Variants in PHYHD1 observed in about 807,000 individuals in gnomAD.
PHYHD1 encodes phytanoyl-CoA dioxygenase domain-containing protein 1.
In PHYHD1, 42 loss-of-function variants were observed where a neutral mutation model predicts 43.6. The observed-to-expected ratio is 0.96, with a 90% CI of 0.75 to 1.25. The LOEUF (loss-of-function observed/expected upper bound fraction) is 1.25. Ranked by LOEUF, PHYHD1 falls within the 50% of genes most tolerant of loss-of-function variation. The pLI, the probability that PHYHD1 is intolerant of heterozygous loss-of-function variation, is 0.00. For synonymous variants in PHYHD1, 139 were observed against 143.6 expected, an observed-to-expected ratio of 0.97 and a Z score of 0.23; for missense variants, 342 against 370.8, an observed-to-expected ratio of 0.92 and a Z score of 0.64.
intron 4 of PHYHD1, 89 bp from the exon 5 acceptor site, chr9:128,933,693 G>A: frequency 7.3e-7 from 1 of 1,375,042 alleles, no homozygotes; most frequent in Non-Finnish European, 1.0e-6. Flanking sequence ...CTGTGAGGGT[G>A]GGAAGCTTCT....
At chr9:128,938,717 C>G (rs1239150969) in intron 9 of PHYHD1, among the ~76,000 whole-genome samples, 2 of 131,992 alleles carry the variant, frequency 1.5e-5, no homozygotes, top group Non-Finnish European at 3.5e-5. Flanking sequence ...GCCACCGCGC[C>G]CGGCCCTGGA....
intron 11 of PHYHD1, among the ~76,000 whole-genome samples, 195 bp downstream of exon 11, chr9:128,940,910 T>A (rs1258383261): frequency 2.0e-5 from 3 of 152,180 alleles, no homozygotes; most frequent in African/African-American, 7.2e-5. Context: ...CAGATCACCC[T>A]GGAATCCACA....
Position 128,941,828 on chromosome 9 carries a change from G to T in PHYHD1, c.*115G>T. ...AGGGAGGTCTTGTCTCCCCTCCTGG[G>T]CTTTCCTCCTGCCCTGTGGGCAGCA... On this transcript the variant is annotated 3_prime_UTR_variant, in exon 13 of 13. Coordinates refer to ENST00000372592, the MANE Select transcript of PHYHD1 (RefSeq NM_001100876.2). 1 of 1,439,284 alleles carries T rather than the reference G, an allele frequency of 6.9e-7. No individual in the cohort carries two copies. The allele number at this position is 1,439,284 out of a possible 1,614,324, so 89.2% of individuals were successfully genotyped here.
chr9:128,932,340 C>G (rs1841312317), intron 4 of PHYHD1, among the ~76,000 whole-genome samples: 1 of 151,280 alleles, frequency 6.6e-6, no homozygotes, highest in African/African-American at 2.4e-5. Flanking sequence ...CACCACCACA[C>G]TCGGCTAATT....
At chr9:128,926,737 C>G in intron 3 of PHYHD1, 1 of 399,640 alleles carries the variant, frequency 2.5e-6, no homozygotes, top group South Asian at 1.9e-5. Flanking sequence ...CATGCCCTGG[C>G]TGGTTTGAGA....
intron 4 of PHYHD1, 119 bp from the exon 5 acceptor site, chr9:128,933,663 C>T (rs1012411544): frequency 1.8e-6 from 2 of 1,081,170 alleles, no homozygotes; most frequent in South Asian, 1.3e-5. Context: ...GTCTGAGAAG[C>T]CCCCAGGGTG....
At chr9:128,925,752 C>T (rs1386339765) in intron 3 of PHYHD1, among the ~76,000 whole-genome samples, 2 of 152,122 alleles carry the variant, frequency 1.3e-5, no homozygotes, top group East Asian at 1.9e-4. Context: ...CCTCCTCTTC[C>T]ACCCCTCCCC....
chr9:128,930,279 C>CAA (rs771000299), intron 4 of PHYHD1, among the ~76,000 whole-genome samples: 7 of 92,246 alleles, frequency 7.6e-5, no homozygotes, highest in African/African-American at 2.4e-4. Flanking sequence ...AACCCTGTCT[C>CAA]AAAAAAAAAA....
intron 4 of PHYHD1, among the ~76,000 whole-genome samples, chr9:128,929,720 G>A (rs1393697610): frequency 6.6e-6 from 1 of 152,104 alleles, no homozygotes; most frequent in Non-Finnish European, 1.5e-5. Flanking sequence ...ACATACGTGT[G>A]TGTGTAATTC....
chr9:128,940,425 G>C lies in PHYHD1; in HGVS notation c.514G>C (p.Gly172Arg). 1 of 1,614,164 alleles carries C rather than the reference G, an allele frequency of 6.2e-7. No homozygotes were observed. The highest frequency in any genetic ancestry group is 8.5e-7 in the Non-Finnish European group (1 of 1,180,038). The change falls in exon 10 of 13, where the codon GGC (glycine) becomes CGC (arginine). Residue 172 changes from glycine to arginine, a missense_variant. Gly to Arg is a moderately radical substitution (Grantham distance 125, BLOSUM62 -2). Transcript: ENST00000372592. ...CACGGAGCCCCTGGGCCGGGTGCTG[G>C]GCGTGTGGATCGCAGTGGAGGATGC... ...LYTEPLGRVL[G>R]VWIAVEDATL...
chr9:128,933,866 C>A lies in PHYHD1; in HGVS notation c.268+9C>A, dbSNP rs1330563195. 2 of 1,613,316 alleles carry A rather than the reference C, an allele frequency of 1.2e-6. No individual in the cohort carries two copies. The highest frequency in any genetic ancestry group is 1.7e-6 in the Non-Finnish European group (2 of 1,179,302). Reference sequence around the variant, plus strand: ...CGTTTTTGATGAGAAAGGTTTGGAGCTGGGGCCCTAGAGCTGGGGAGGAGC... The same window carrying A: ...CGTTTTTGATGAGAAAGGTTTGGAGATGGGGCCCTAGAGCTGGGGAGGAGC... On this transcript the variant is annotated intron_variant, in intron 5 of 12. Coordinates refer to ENST00000372592, the MANE Select transcript of PHYHD1 (RefSeq NM_001100876.2).
At chr9:128,933,133 G>T (rs927736090) in intron 4 of PHYHD1, among the ~76,000 whole-genome samples, 2 of 147,402 alleles carry the variant, frequency 1.4e-5, no homozygotes, top group Non-Finnish European at 3.0e-5. Context: ...TTACAGGCAT[G>T]AGCCACTGCA....
intron 3 of PHYHD1, among the ~76,000 whole-genome samples, chr9:128,924,986 C>G (rs549212255): frequency 1.3e-5 from 2 of 152,286 alleles, no homozygotes; most frequent in African/African-American, 4.8e-5. Context: ...TGTGTATTTA[C>G]TGGATCAAGG....
chr9:128,938,071 C>A, intron 9 of PHYHD1: 2 of 868,570 alleles, frequency 2.3e-6, no homozygotes, highest in Middle Eastern at 4.1e-4. Flanking sequence ...ATTTGGAAGG[C>A]AGAGGCGAGC....
chr9:128,924,472 C>T (rs1471721703), intron 3 of PHYHD1, among the ~76,000 whole-genome samples: 1 of 151,652 alleles, frequency 6.6e-6, no homozygotes, highest in Non-Finnish European at 1.5e-5. Flanking sequence ...ATTAGCCAGG[C>T]GTGGTGGTGT....
intron 8 of PHYHD1, 23 bp from the exon 9 acceptor site, chr9:128,937,734 C>T (rs766267444): frequency 1.8e-5 from 29 of 1,613,798 alleles, no homozygotes; most frequent in Non-Finnish European, 2.5e-5. Context: ...CTGTCCTCAC[C>T]AGGCTTTTCC....
In PHYHD1 at chr9:128,924,287, G is replaced by A. The variant is rs189622584; in HGVS notation, c.33+1931G>A. ...AAAAAAATTAGCTGGGCATGGTGGC[G>A]GGCGCCTGTAGTCCAAGCTACTCGG... On this transcript the variant is annotated intron_variant, in intron 3 of 12. Coordinates refer to ENST00000372592, the MANE Select transcript of PHYHD1 (RefSeq NM_001100876.2). Among the ~76,000 whole-genome samples, 115 of 152,202 alleles carry A rather than the reference G, an allele frequency of 7.6e-4. 3 individuals are homozygous for A. In the East Asian group the frequency reaches 0.02, roughly 27 times the overall value.
chr9:128,940,252 A>G, intron 9 of PHYHD1, 117 bp from the exon 10 acceptor site: 2 of 1,464,862 alleles, frequency 1.4e-6, no homozygotes, highest in South Asian at 2.6e-5. Flanking sequence ...ATTCTAACTG[A>G]TCATGGGAAG....
Position 128,927,197 on chromosome 9 carries a change from G to C in PHYHD1, c.192+1G>C. The C allele has an allele frequency of 1.2e-6, 2 of 1,613,820 alleles. No homozygotes were observed. Among genetic ancestry groups the C allele is most frequent in the South Asian group, 2.2e-5 (2 of 91,076 alleles). On this transcript the variant is annotated splice_donor_variant, in intron 4 of 12. Coordinates refer to ENST00000372592, the MANE Select transcript of PHYHD1 (RefSeq NM_001100876.2). LOFTEE classifies it high-confidence loss of function. ...GGAAGAGGAGCAGCTTCGAGCCCAG[G>C]TAGGTGTCTGGGGCACATGAGGATG...
Sources: allele counts gnomAD v4.1 joint callset (sites outside exome capture counted in the v4.1 genomes callset), GRCh38; gene constraint gnomAD v4.1.1; transcripts MANE v1.5; gene names NCBI Gene and HGNC (gene_info 2026-07-23, HGNC 2026-07-21).